Variants in TSPAN12 observed in about 807,000 individuals in gnomAD.
TSPAN12 encodes tetraspanin 12, also known as tetraspanin-12.
Under a neutral mutation model 39.2 loss-of-function variants are expected in TSPAN12, and 19 were observed. The observed-to-expected ratio is 0.49, with a 90% CI of 0.34 to 0.71. The LOEUF (loss-of-function observed/expected upper bound fraction) is 0.71. TSPAN12 is among the 30% of genes least tolerant of loss of function. The probability of loss-of-function intolerance (pLI) is 0.01; values close to 1 mark genes in which losing one functional copy is unlikely to be tolerated. For missense variants in TSPAN12, 314 were observed against 359.9 expected, an observed-to-expected ratio of 0.87 and a Z score of 1.03; for synonymous variants, 119 against 124.8, an observed-to-expected ratio of 0.95 and a Z score of 0.31.
rs138371855 is a variant in TSPAN12 at position 120,801,327 on chromosome 7, T to G, written c.612+5222A>C. Among the ~76,000 whole-genome samples the G allele has an allele frequency of 9.2e-3, 1,398 of 152,262 alleles. 25 individuals carry two copies. Among genetic ancestry groups the G allele is most frequent in the African/African-American group, 0.032 (1,319 of 41,538 alleles). Reference sequence around the variant, plus strand: ...GTTCCCAATTTCCTCTATTTGTCAATGTTTTCTAGCATTGGGAGAAGAAAT... The same window carrying G: ...GTTCCCAATTTCCTCTATTTGTCAAGGTTTTCTAGCATTGGGAGAAGAAAT... On this transcript the variant is annotated intron_variant, in intron 7 of 7. Transcript: ENST00000222747.
chr7:120,822,930 A>T (rs1249510715), intron 4 of TSPAN12, among the ~76,000 whole-genome samples: 1 of 152,186 alleles, frequency 6.6e-6, no homozygotes, highest in Non-Finnish European at 1.5e-5. Context: ...CCAAATTAGC[A>T]GTGGACTTCT....
intron 4 of TSPAN12, among the ~76,000 whole-genome samples, chr7:120,824,143 T>C (rs1348654555): frequency 6.6e-6 from 1 of 152,094 alleles, no homozygotes; most frequent in African/African-American, 2.4e-5. Context: ...GACCCTGCTT[T>C]GAAATATGAA....
chr7:120,828,001 T>A (rs1258234586), intron 4 of TSPAN12, among the ~76,000 whole-genome samples: 1 of 152,170 alleles, frequency 6.6e-6, no homozygotes, highest in East Asian at 1.9e-4. Context: ...TAGTATCAAA[T>A]CTGAACTAAA....
intron 4 of TSPAN12, among the ~76,000 whole-genome samples, chr7:120,828,181 C>T (rs561912164): frequency 3.9e-5 from 6 of 152,244 alleles, no homozygotes; most frequent in Admixed American, 6.5e-5. Context: ...GTTATCAAAA[C>T]GTAATTCTCC....
chr7:120,825,944 T>G (rs1794278160), intron 4 of TSPAN12, among the ~76,000 whole-genome samples: 3 of 152,164 alleles, frequency 2.0e-5, no homozygotes, highest in Non-Finnish European at 2.9e-5. Context: ...CAGCCTGATT[T>G]AGGAAAAATA....
chr7:120,827,100 A>G (rs1323216711), intron 4 of TSPAN12, among the ~76,000 whole-genome samples: 2 of 152,218 alleles, frequency 1.3e-5, no homozygotes, highest in Admixed American at 1.3e-4. Flanking sequence ...ACGTTAGATT[A>G]GGCGAAAGAA....
chr7:120,838,558 A>G (rs939871724), intron 4 of TSPAN12, among the ~76,000 whole-genome samples: 2 of 152,242 alleles, frequency 1.3e-5, no homozygotes, highest in Non-Finnish European at 2.9e-5. Context: ...GTCAACACGT[A>G]GCTGGAGTGA....
At chr7:120,822,993 A>G (rs1295649137) in intron 4 of TSPAN12, among the ~76,000 whole-genome samples, 2 of 152,210 alleles carry the variant, frequency 1.3e-5, no homozygotes, top group East Asian at 1.9e-4. Flanking sequence ...GTTATTTCCA[A>G]TCTGGAATTG....
intron 4 of TSPAN12, among the ~76,000 whole-genome samples, chr7:120,826,727 T>C (rs936851669): frequency 2.0e-5 from 3 of 152,272 alleles, no homozygotes; most frequent in Admixed American, 1.3e-4. Context: ...TTTATTTTTA[T>C]TAAATTTTTT....
chr7:120,843,013 TA>T (rs1183580534), intron 2 of TSPAN12, among the ~76,000 whole-genome samples: 1 of 152,040 alleles, frequency 6.6e-6, no homozygotes, highest in African/African-American at 2.4e-5. Context: ...TGTTAATTAA[TA>T]TTACTATTAA....
intron 3 of TSPAN12, 130 bp downstream of exon 3, chr7:120,839,897 T>A (rs915571841): frequency 2.2e-5 from 16 of 720,144 alleles, no homozygotes; most frequent in Admixed American, 1.0e-4. Context: ...CAAGTGTCTG[T>A]GACAAAGGTT....
At chr7:120,829,495 T>C (rs111668391) in intron 4 of TSPAN12, among the ~76,000 whole-genome samples, 138 of 152,288 alleles carry the variant, frequency 9.1e-4, no homozygotes, top group African/African-American at 3.2e-3. Context: ...TTGTTTTAAC[T>C]CTCTTTACAT....
Position 120,810,578 on chromosome 7 carries a change from T to C in TSPAN12, c.361-8A>G, listed in dbSNP as rs1562941815. 3 of 1,573,580 alleles carry C rather than the reference T, an allele frequency of 1.9e-6. No individual in the cohort carries two copies. Among genetic ancestry groups the C allele is most frequent in the Non-Finnish European group, 1.7e-6 (2 of 1,144,022 alleles). ...TGACCATTGTACTGGAACCTGGTGA[T>C]AAAAAGCAAAATATCAACAGCTGTA... On this transcript the variant is annotated splice_region_variant and splice_polypyrimidine_tract_variant and intron_variant, in intron 5 of 7. Coordinates refer to ENST00000222747, the MANE Select transcript of TSPAN12 (RefSeq NM_012338.4).
In TSPAN12 at chr7:120,795,808, G is replaced by T. The variant is rs182466718; in HGVS notation, c.613-6911C>A. On this transcript the variant is annotated intron_variant, in intron 7 of 7. Coordinates refer to ENST00000222747, the MANE Select transcript of TSPAN12 (RefSeq NM_012338.4). Reference sequence around the variant, plus strand: ...TTCTCCACTGATAATCTTAAGCTCTGCAGGGAAATAATGCTTCCTTTAAAA... The same window carrying T: ...TTCTCCACTGATAATCTTAAGCTCTTCAGGGAAATAATGCTTCCTTTAAAA... Among the ~76,000 whole-genome samples the T allele has an allele frequency of 6.6e-5, 10 of 152,252 alleles. No homozygotes were observed. In the East Asian group the frequency reaches 1.7e-3, roughly 26 times the overall value.
chr7:120,797,933 T>A (rs947204305), intron 7 of TSPAN12, among the ~76,000 whole-genome samples: 1 of 152,220 alleles, frequency 6.6e-6, no homozygotes, highest in Non-Finnish European at 1.5e-5. Flanking sequence ...ACTCATTCTC[T>A]ACAATGCCAA....
chr7:120,816,462 G>T (rs1035913457), intron 4 of TSPAN12, among the ~76,000 whole-genome samples: 6 of 151,934 alleles, frequency 3.9e-5, no homozygotes, highest in African/African-American at 1.4e-4. Flanking sequence ...TGTTCCAAAA[G>T]GTGAAGAGGA....
chr7:120,814,029 A>C lies in TSPAN12; in HGVS notation c.360+1700T>G, dbSNP rs1299170005. On this transcript the variant is annotated intron_variant, in intron 5 of 7. Transcript: ENST00000222747. The stretch of plus-strand genomic sequence containing the variant: ...CTTAGTGCCGTTGTACATTGGAAGC[A>C]TGAGTGTCTTCACAGAGATACATAT... 3 of 321,144 alleles carry C rather than the reference A, an allele frequency of 9.3e-6. No homozygotes were observed. In the East Asian group the frequency reaches 2.7e-4, roughly 29 times the overall value. 19.9% of individuals were successfully genotyped at this position (321,144 alleles called of 1,614,324 possible). A position where few individuals can be genotyped will look rare whatever the true frequency, so the allele number is the denominator to read the frequency against.
In TSPAN12 at chr7:120,788,861, T is replaced by C; in HGVS notation, c.649A>G (p.Thr217Ala). The C allele has an allele frequency of 6.2e-7, 1 of 1,614,128 alleles. No homozygotes were observed. Among genetic ancestry groups the C allele is most frequent in the Non-Finnish European group, 8.5e-7 (1 of 1,179,996 alleles). The change falls in exon 8 of 8, where the codon ACC becomes GCC. Residue 217 changes from threonine (T) to alanine (A), a missense_variant. Coordinates refer to ENST00000222747, the MANE Select transcript of TSPAN12 (RefSeq NM_012338.4). Reference sequence around the variant, plus strand: ...AACCTCAGCACCTGCAGTTGTTTGGTTCCTCTCAAAAAGGAATACATTTTC... The same window carrying C: ...AACCTCAGCACCTGCAGTTGTTTGGCTCCTCTCAAAAAGGAATACATTTTC... ...GKKMYSFLRGTKQLQVLRFLG... is the reference protein window; with the variant it reads ...GKKMYSFLRGAKQLQVLRFLG...
intron 4 of TSPAN12, among the ~76,000 whole-genome samples, chr7:120,831,278 G>A (rs1451286381): frequency 6.6e-6 from 1 of 151,996 alleles, no homozygotes. Context: ...ATATGATCCA[G>A]CAATCTCACT....
Sources: allele counts gnomAD v4.1 joint callset (sites outside exome capture counted in the v4.1 genomes callset), GRCh38; gene constraint gnomAD v4.1.1; transcripts MANE v1.5; gene names NCBI Gene and HGNC (gene_info 2026-07-23, HGNC 2026-07-21).